The following MOCOS variants were observed in gnomAD, a reference collection of about 807,000 sequenced individuals.
MOCOS encodes molybdenum cofactor sulfurase, also known as human molybdenum cofactor sulfurase.
MOCOS carries 86 observed loss-of-function variants against 83.6 expected under a neutral mutation model. The observed-to-expected ratio is 1.03, with a 90% CI of 0.86 to 1.23. The LOEUF is 1.23. MOCOS is among the 50% of genes most tolerant of loss of function. The pLI is 0.00. For synonymous variants in MOCOS, 445 were observed against 434.7 expected, an observed-to-expected ratio of 1.02 and a Z score of -0.29; for missense variants, 1,120 against 1,126.9, an observed-to-expected ratio of 0.99 and a Z score of 0.09.
In MOCOS at chr18:36,257,072, AG is replaced by A. The variant is rs773582224; in HGVS notation, c.2270+1del. ...GGAACTTCACCGGCAACTAAACACC[AG>A]GTAAGACCTCATACCTCGGGACTAG... is the stretch of plus-strand genomic sequence containing the variant. Reference protein sequence around the residue: ...ILELHRQLNTSDENGKEELFS... With the variant: ...ILELHRQLNTXDENGKEELFS... On this transcript the variant is annotated frameshift_variant and splice_region_variant, in exon 12 of 15. Coordinates refer to ENST00000261326, the MANE Select transcript of MOCOS (RefSeq NM_017947.4). LOFTEE classifies it high-confidence loss of function. 1.9e-6 allele frequency: 3 copies of A among 1,611,742 alleles called. No individual in the cohort carries two copies. The highest frequency in any genetic ancestry group is 1.3e-5 in the African/African-American group (1 of 74,882).
At chr18:36,227,652 T>A (rs2091522907) in intron 9 of MOCOS, among the ~76,000 whole-genome samples, 2 of 152,144 alleles carry the variant, frequency 1.3e-5, no homozygotes, top group Non-Finnish European at 2.9e-5. Context: ...TGTCTCGGCC[T>A]CCCAAAGTAT....
rs1261244687 is a variant in MOCOS at position 36,250,762 on chromosome 18, T to G, written c.2040-397T>G. On this transcript the variant is annotated intron_variant, in intron 10 of 14. Coordinates refer to ENST00000261326, the MANE Select transcript of MOCOS (RefSeq NM_017947.4). ...TCATTTTACAAACCAAACACGTCAGTCCATGTGAGAGAAGATATTTCAATC... is the reference window on the plus strand; with the variant it reads ...TCATTTTACAAACCAAACACGTCAGGCCATGTGAGAGAAGATATTTCAATC... Among the ~76,000 whole-genome samples, 3 of 152,292 alleles carry G rather than the reference T, an allele frequency of 2.0e-5. No homozygotes were observed. The East Asian group carries it at 5.8e-4, about 29-fold the overall frequency.
chr18:36,233,298 T>G (rs2091545580), intron 9 of MOCOS, among the ~76,000 whole-genome samples: 1 of 152,210 alleles, frequency 6.6e-6, no homozygotes, highest in South Asian at 2.1e-4. Flanking sequence ...CCTGAATTAC[T>G]TCCCTAAAAA....
At chr18:36,264,115 C>T (rs534306134) in intron 13 of MOCOS, among the ~76,000 whole-genome samples, 2 of 151,956 alleles carry the variant, frequency 1.3e-5, no homozygotes, top group Non-Finnish European at 2.9e-5. Flanking sequence ...GTGGAGTTTG[C>T]AGAGAGCTGC....
chr18:36,223,536 C>T (rs1410504917), intron 9 of MOCOS, among the ~76,000 whole-genome samples: 1 of 152,056 alleles, frequency 6.6e-6, no homozygotes. Flanking sequence ...ACAACTCCAG[C>T]TTTGTTCTTC....
chr18:36,188,438 G>A (rs149560471), intron 1 of MOCOS, among the ~76,000 whole-genome samples: 99 of 152,300 alleles, frequency 6.5e-4, no homozygotes, highest in Non-Finnish European at 1.2e-3. Flanking sequence ...GGCCTTGGCC[G>A]ACCCAGCCCT....
chr18:36,221,656 T>C (rs1277106620), intron 9 of MOCOS, among the ~76,000 whole-genome samples: 2 of 151,880 alleles, frequency 1.3e-5, no homozygotes, highest in Non-Finnish European at 2.9e-5. Flanking sequence ...TCTGTTCCCG[T>C]GGTTTATTTT....
intron 11 of MOCOS, 56 bp downstream of exon 11, chr18:36,251,339 A>T (rs190196503): frequency 5.7e-5 from 91 of 1,597,854 alleles, no homozygotes; most frequent in Non-Finnish European, 7.4e-5. Context: ...ACCCTTGCAC[A>T]CATCAAAACA....
rs778830283 is a variant in MOCOS at position 36,249,003 on chromosome 18, G to A, written c.2039+3G>A. On this transcript the variant is annotated splice_donor_region_variant and intron_variant, in intron 10 of 14. Coordinates refer to ENST00000261326, the MANE Select transcript of MOCOS (RefSeq NM_017947.4). ...CAAAGCAGGGTCTGTGCTGACAGGTGAGACTCTGAAGCACGTGAAAATCTC... is the reference window on the plus strand; with the variant it reads ...CAAAGCAGGGTCTGTGCTGACAGGTAAGACTCTGAAGCACGTGAAAATCTC... 2 of 1,613,716 alleles carry A rather than the reference G, an allele frequency of 1.2e-6. No homozygotes were observed. The highest frequency in any genetic ancestry group is 1.3e-5 in the African/African-American group (1 of 74,910).
At position 36,268,541 on chromosome 18, in the gene MOCOS, T is replaced by C. The variant is rs777874844; in HGVS notation, c.2523T>C (p.Phe841=). 3.1e-6 allele frequency: 5 copies of C among 1,614,222 alleles called. No individual in the cohort carries two copies. In the South Asian group the frequency reaches 5.5e-5, roughly 18 times the overall value. The change falls in exon 15 of 15, where the codon TTT becomes TTC. Residue 841 remains phenylalanine, a synonymous_variant. Coordinates refer to ENST00000261326, the MANE Select transcript of MOCOS (RefSeq NM_017947.4). ...LSESRETKVN[F]GMYLMHASLD... ...TGCTGTTTTGTTCACAGGTGAACTT[T>C]GGCATGTACCTGATGCATGCATCAT... is the stretch of plus-strand genomic sequence containing the variant.
At chr18:36,232,885 C>T (rs1457817566) in intron 9 of MOCOS, among the ~76,000 whole-genome samples, 4 of 141,032 alleles carry the variant, frequency 2.8e-5, no homozygotes, top group Non-Finnish European at 4.8e-5. Flanking sequence ...CACACACACA[C>T]ACACCATTTT....
At chr18:36,212,490 C>G (rs1277633710) in intron 6 of MOCOS, among the ~76,000 whole-genome samples, 1 of 152,134 alleles carries the variant, frequency 6.6e-6, no homozygotes, top group East Asian at 1.9e-4. Context: ...CACCTTAGAG[C>G]TGGGAAACTC....
intron 11 of MOCOS, among the ~76,000 whole-genome samples, chr18:36,255,172 A>C (rs2091637219): frequency 6.6e-6 from 1 of 152,190 alleles, no homozygotes; most frequent in African/African-American, 2.4e-5. Flanking sequence ...TCCTATTCCC[A>C]TGAATGACTG....
At position 36,251,200 on chromosome 18, in the gene MOCOS, T is replaced by C. The variant is rs779462441; in HGVS notation, c.2081T>C (p.Leu694Ser). The C allele has an allele frequency of 6.2e-7, 1 of 1,613,836 alleles. No individual in the cohort carries two copies. The highest frequency in any genetic ancestry group is 8.5e-7 in the Non-Finnish European group (1 of 1,179,678). Residue 694 changes from leucine (L) to serine (S), a missense_variant, in exon 11 of 15, where the codon TTG becomes TCG. Leu to Ser is a moderately radical substitution (Grantham distance 145, BLOSUM62 -2). Coordinates refer to ENST00000261326, the MANE Select transcript of MOCOS (RefSeq NM_017947.4). The part of the protein sequence containing the change: ...YDCGEKISSW[L>S]STFFGRPCHL... ...TGTGGAGAAAAAATTTCAAGCTGGTTGTCAACATTTTTTGGCCGTCCTTGT... is the reference window on the plus strand; with the variant it reads ...TGTGGAGAAAAAATTTCAAGCTGGTCGTCAACATTTTTTGGCCGTCCTTGT...
chr18:36,244,254 A>G (rs977830178), intron 9 of MOCOS, among the ~76,000 whole-genome samples: 1 of 151,912 alleles, frequency 6.6e-6, no homozygotes, highest in Non-Finnish European at 1.5e-5. Context: ...TGATGTAGGC[A>G]TTTACTGCTA....
chr18:36,249,147 C>G, intron 10 of MOCOS, 147 bp downstream of exon 10: 3 of 750,904 alleles, frequency 4.0e-6, no homozygotes, highest in Non-Finnish European at 6.9e-6. Context: ...TCTCTAACCA[C>G]ACTCTTGGCT....
intron 9 of MOCOS, among the ~76,000 whole-genome samples, chr18:36,242,221 C>G (rs184847901): frequency 8.6e-4 from 131 of 152,334 alleles, no homozygotes; most frequent in African/African-American, 3.0e-3. Context: ...GATCATCTCT[C>G]TCAAGTTGAA....
At chr18:36,235,958 G>A (rs538431638) in intron 9 of MOCOS, among the ~76,000 whole-genome samples, 40 of 149,290 alleles carry the variant, frequency 2.7e-4, no homozygotes, top group African/African-American at 7.6e-4. Context: ...CATGTCCTTC[G>A]CCCACTTTTT....
intron 9 of MOCOS, among the ~76,000 whole-genome samples, chr18:36,229,100 C>G (rs2091528557): frequency 6.6e-6 from 1 of 152,172 alleles, no homozygotes; most frequent in African/African-American, 2.4e-5. Context: ...GAGTTACCCA[C>G]TACCAATAGT....
Sources: allele counts gnomAD v4.1 joint callset (sites outside exome capture counted in the v4.1 genomes callset), GRCh38; gene constraint gnomAD v4.1.1; transcripts MANE v1.5; gene names NCBI Gene and HGNC (gene_info 2026-07-23, HGNC 2026-07-21).